PDE1A: variants seen among roughly 807,000 people sequenced by gnomAD.
The protein encoded by PDE1A is dual specificity calcium/calmodulin-dependent 3',5'-cyclic nucleotide phosphodiesterase 1A.
Under a neutral mutation model 61.7 loss-of-function variants are expected in PDE1A, and 35 were observed. That is an observed-to-expected ratio of 0.57 (90% CI 0.43 to 0.75). The LOEUF (loss-of-function observed/expected upper bound fraction) is 0.75, where lower values mean the gene tolerates loss of function less well. Among genes scored for constraint, PDE1A ranks in the 30% least tolerant of loss-of-function variants. The pLI, the probability that PDE1A is intolerant of heterozygous loss-of-function variation, is 0.00. For missense variants in PDE1A, 597 were observed against 630.6 expected, an observed-to-expected ratio of 0.95 and a Z score of 0.57; for synonymous variants, 232 against 213.2, an observed-to-expected ratio of 1.09 and a Z score of -0.77.
At chr2:182,671,361 T>TTGC in the PDE1A span, among the ~76,000 whole-genome samples, 1 of 114,206 alleles carries the variant, frequency 8.8e-6, no homozygotes, top group Non-Finnish European at 1.8e-5. Flanking sequence ...TTTTTTTTTT[T>TTGC]GTATTTTTAG....
chr2:182,385,839 C>T (rs1368420891), intron 1 of PDE1A, among the ~76,000 whole-genome samples: 2 of 125,382 alleles, frequency 1.6e-5, no homozygotes, highest in African/African-American at 3.0e-5. Context: ...CCCTCTCCCT[C>T]CTCTCCCTCT....
the PDE1A span, among the ~76,000 whole-genome samples, chr2:182,539,710 A>G: frequency 6.6e-6 from 1 of 152,226 alleles, no homozygotes; most frequent in Non-Finnish European, 1.5e-5. Flanking sequence ...AGTGCCAAGG[A>G]TATCTTATAG....
At chr2:182,654,368 G>A in the PDE1A span, among the ~76,000 whole-genome samples, 1 of 152,120 alleles carries the variant, frequency 6.6e-6, no homozygotes, top group African/African-American at 2.4e-5. Context: ...TTTGGGAGTA[G>A]CACTAACCTC....
intron 13 of PDE1A, among the ~76,000 whole-genome samples, chr2:182,178,174 C>T (rs1251174273): frequency 6.6e-6 from 1 of 152,206 alleles, no homozygotes; most frequent in East Asian, 1.9e-4. Context: ...AAAACAAAGG[C>T]ATCTATCCTT....
In PDE1A at chr2:182,234,509, C is replaced by G; in HGVS notation, c.351-11G>C. 6.6e-7 allele frequency: 1 copy of G among 1,526,418 alleles called. No homozygotes were observed. Among genetic ancestry groups the G allele is most frequent in the South Asian group, 1.2e-5 (1 of 85,902 alleles). 94.6% of individuals were successfully genotyped at this position (1,526,418 alleles called of 1,614,324 possible). On this transcript the variant is annotated splice_polypyrimidine_tract_variant and intron_variant, in intron 3 of 13. Transcript: ENST00000351439. ...GTTTTTCGGTACATTCTAAAAAAGA[C>G]AAAAATAAGTGTAAATATAAAATTC...
chr2:182,627,329 TA>T, the PDE1A span, among the ~76,000 whole-genome samples: 1 of 114,034 alleles, frequency 8.8e-6, no homozygotes, highest in Non-Finnish European at 1.7e-5. Context: ...ATTATATATA[TA>T]AATTTATATA....
the PDE1A span, among the ~76,000 whole-genome samples, chr2:182,616,143 G>A: frequency 6.6e-6 from 1 of 152,148 alleles, no homozygotes; most frequent in Non-Finnish European, 1.5e-5. Context: ...ATGGGTTAAG[G>A]TCAGCAATTT....
intron 1 of PDE1A, among the ~76,000 whole-genome samples, chr2:182,412,881 G>A (rs1240170808): frequency 1.3e-5 from 2 of 152,104 alleles, no homozygotes; most frequent in Non-Finnish European, 2.9e-5. Context: ...GAAATTCAGA[G>A]CTACAAATAA....
the PDE1A span, among the ~76,000 whole-genome samples, chr2:182,632,527 T>C: frequency 2.4e-3 from 360 of 152,232 alleles, no homozygotes; most frequent in African/African-American, 8.0e-3. Context: ...AGCAAGAAGA[T>C]AGCACTATTA....
chr2:182,621,538 C>T, the PDE1A span, among the ~76,000 whole-genome samples: 3 of 151,748 alleles, frequency 2.0e-5, no homozygotes, highest in African/African-American at 7.3e-5. Context: ...CTGTTGTGTT[C>T]TATAACATCA....
chr2:182,598,177 T>C, the PDE1A span, among the ~76,000 whole-genome samples: 3 of 152,236 alleles, frequency 2.0e-5, no homozygotes, highest in Non-Finnish European at 4.4e-5. Context: ...GTTTAATTTA[T>C]TCCTTCTTCT....
intron 2 of PDE1A, among the ~76,000 whole-genome samples, chr2:182,250,301 G>A (rs191632356): frequency 6.6e-6 from 1 of 152,180 alleles, no homozygotes; most frequent in Non-Finnish European, 1.5e-5. Context: ...GTGCTAGTAT[G>A]TTGAATTGTT....
chr2:182,189,475 G>A (rs371029488), intron 10 of PDE1A, among the ~76,000 whole-genome samples: 11 of 152,178 alleles, frequency 7.2e-5, no homozygotes, highest in East Asian at 3.9e-4. Context: ...ATTTTGTGAC[G>A]GAACTGTTTT....
rs141275815 is a variant in PDE1A at position 182,255,521 on chromosome 2, C to A, written c.167+8780G>T. Among the ~76,000 whole-genome samples the A allele has an allele frequency of 9.0e-4, 137 of 152,272 alleles. No individual in the cohort carries two copies. In the South Asian group the frequency reaches 0.019, roughly 22 times the overall value. On this transcript the variant is annotated intron_variant, in intron 2 of 13. Coordinates refer to ENST00000351439, the Ensembl canonical transcript of PDE1A. ...TTGCAGCGCATTTACCCATGCTAAGCAGCTGAGTTTAAAATGAAATACCAG... is the reference window on the plus strand; with the variant it reads ...TTGCAGCGCATTTACCCATGCTAAGAAGCTGAGTTTAAAATGAAATACCAG...
In PDE1A at chr2:182,276,630, TAA is replaced by T. The variant is rs554513135; in HGVS notation, c.54-12218_54-12217del. Among the ~76,000 whole-genome samples, 616 of 151,968 alleles carry T rather than the reference TAA, an allele frequency of 4.1e-3. 4 individuals carry two copies. Among genetic ancestry groups the T allele is most frequent in the African/African-American group, 0.014 (575 of 41,460 alleles). On this transcript the variant is annotated intron_variant, in intron 1 of 13. Transcript: ENST00000351439. ...CAGTGCACCTTGAAAATGAACAGAA[TAA>T]CAGCAATTTTAGGGAACAAGGGAAG...
the PDE1A span, among the ~76,000 whole-genome samples, chr2:182,668,632 G>T: frequency 6.6e-6 from 1 of 152,114 alleles, no homozygotes; most frequent in Middle Eastern, 3.2e-3. Flanking sequence ...GCTGCAGTCA[G>T]GTGAAATATG....
intron 2 of PDE1A, among the ~76,000 whole-genome samples, chr2:182,465,048 T>A (rs1686563610): frequency 6.6e-6 from 1 of 152,170 alleles, no homozygotes. Context: ...TCTACCTCTA[T>A]TTTGTTAATT....
the PDE1A span, among the ~76,000 whole-genome samples, chr2:182,665,106 TGATAA>T: frequency 6.6e-6 from 1 of 152,174 alleles, no homozygotes; most frequent in Non-Finnish European, 1.5e-5. Flanking sequence ...TATAGACAAT[TGATAA>T]AATACTACAA....
At chr2:182,624,116 C>G in the PDE1A span, among the ~76,000 whole-genome samples, 1 of 124,664 alleles carries the variant, frequency 8.0e-6, no homozygotes, top group Non-Finnish European at 1.7e-5. Context: ...CAGAGCGAGA[C>G]TCCGTCTCAA....
Sources: gnomAD v4.1 joint callset for allele counts (sites outside exome capture counted in the v4.1 genomes callset) on GRCh38, gnomAD v4.1.1 for gene constraint, MANE v1.5 for transcripts, NCBI Gene and HGNC (gene_info 2026-07-23, HGNC 2026-07-21) for gene names.